SLCO3A1: variants seen among roughly 807,000 people sequenced by gnomAD.
SLCO3A1 encodes solute carrier organic anion transporter family member 3A1.
SLCO3A1 carries 27 observed loss-of-function variants against 63.1 expected under a neutral mutation model. The ratio of observed to expected loss-of-function variants is 0.43; its 90% CI spans 0.32 to 0.59. The LOEUF (loss-of-function observed/expected upper bound fraction) is 0.59, where lower values mean the gene tolerates loss of function less well. SLCO3A1 is among the 20% of genes least tolerant of loss of function. The probability of loss-of-function intolerance (pLI) is 0.09; values close to 1 mark genes in which losing one functional copy is unlikely to be tolerated. For synonymous variants in SLCO3A1, 473 were observed against 409.9 expected (o/e 1.15, Z -1.86); for missense variants, 773 against 945.8 (o/e 0.82, Z 2.40).
At chr15:91,999,722 T>C (rs2046231125) in intron 2 of SLCO3A1, among the ~76,000 whole-genome samples, 1 of 152,132 alleles carries the variant, frequency 6.6e-6, no homozygotes, top group Non-Finnish European at 1.5e-5. Context: ...AGCCCAGAGT[T>C]GAAGGCTGCA....
At chr15:91,987,983 G>C (rs1000136144) in intron 2 of SLCO3A1, among the ~76,000 whole-genome samples, 3 of 152,126 alleles carry the variant, frequency 2.0e-5, no homozygotes, top group Non-Finnish European at 2.9e-5. Context: ...GAACACTTGT[G>C]TCAAATTTAT....
At chr15:92,158,247 A>ACCAGGCTT (rs1006741542) in intron 9 of SLCO3A1, among the ~76,000 whole-genome samples, 4 of 152,128 alleles carry the variant, frequency 2.6e-5, no homozygotes, top group Non-Finnish European at 5.9e-5. Context: ...ACACTTCAAA[A>ACCAGGCTT]CCAGGCTTCT....
chr15:91,861,562 A>C (rs987679228), intron 1 of SLCO3A1, among the ~76,000 whole-genome samples: 1 of 152,204 alleles, frequency 6.6e-6, no homozygotes, highest in Admixed American at 6.5e-5. Context: ...AGTTGCACTT[A>C]TTCCTCCTAA....
intron 2 of SLCO3A1, among the ~76,000 whole-genome samples, chr15:92,023,120 C>T (rs1182742850): frequency 6.6e-6 from 1 of 152,190 alleles, no homozygotes; most frequent in East Asian, 1.9e-4. Context: ...GAACTTGGGT[C>T]TTAGCTTCTT....
chr15:92,070,358 G>T (rs917036477), intron 2 of SLCO3A1, among the ~76,000 whole-genome samples: 4 of 152,234 alleles, frequency 2.6e-5, no homozygotes, highest in African/African-American at 9.6e-5. Context: ...AATAATTACG[G>T]AGGGTCGGGT....
At chr15:92,017,858 G>T (rs2046456944) in intron 2 of SLCO3A1, among the ~76,000 whole-genome samples, 1 of 152,126 alleles carries the variant, frequency 6.6e-6, no homozygotes, top group Non-Finnish European at 1.5e-5. Context: ...GGAGACATAG[G>T]CAGAGGTGAG....
intron 5 of SLCO3A1, among the ~76,000 whole-genome samples, chr15:92,125,093 A>G (rs2047905404): frequency 6.6e-6 from 1 of 152,180 alleles, no homozygotes; most frequent in Admixed American, 6.5e-5. Context: ...TTGCAGAGCT[A>G]TACCCCCTTA....
At chr15:92,021,214 G>C (rs528222687) in intron 2 of SLCO3A1, among the ~76,000 whole-genome samples, 1 of 152,212 alleles carries the variant, frequency 6.6e-6, no homozygotes, top group South Asian at 2.1e-4. Flanking sequence ...GCAGCAGAAG[G>C]CCTGCTGAAT....
At chr15:92,035,901 G>T (rs958062396) in intron 2 of SLCO3A1, among the ~76,000 whole-genome samples, 2 of 151,816 alleles carry the variant, frequency 1.3e-5, no homozygotes, top group Non-Finnish European at 2.9e-5. Context: ...GTCCCTGGAG[G>T]CTGGTCCCAT....
chr15:92,137,031 G>C (rs2048067409), intron 7 of SLCO3A1, among the ~76,000 whole-genome samples: 2 of 143,862 alleles, frequency 1.4e-5, no homozygotes, highest in South Asian at 2.2e-4. Context: ...ATGCAGGTTA[G>C]TTACATATGT....
At position 91,885,217 on chromosome 15, in the gene SLCO3A1, G is replaced by A. The variant is rs530134277; in HGVS notation, c.181-30776G>A. 2.6e-5 allele frequency among the ~76,000 whole-genome samples: 4 copies of A among 152,248 alleles called. No homozygotes were observed. The highest frequency in any genetic ancestry group is 4.1e-4 in the South Asian group (2 of 4,826). On this transcript the variant is annotated intron_variant, in intron 1 of 9. Transcript: ENST00000318445. The surrounding 1 kb of genome is among the most constrained non-coding windows in gnomAD (Gnocchi z 4.7). ...TGCTCCCTTTGGCGTCACTCTCCAC[G>A]CCCAGTAACGAAGCCCCACCCCTGG...
intron 2 of SLCO3A1, among the ~76,000 whole-genome samples, chr15:91,938,733 G>A (rs185842328): frequency 4.5e-4 from 68 of 152,270 alleles, no homozygotes; most frequent in Non-Finnish European, 9.3e-4. Flanking sequence ...TTTGAACCCA[G>A]GCTTCAGAAT....
rs1597113405 is a variant in SLCO3A1, at chr15:91,912,113, C to A, written c.181-3880C>A. Among the ~76,000 whole-genome samples the A allele has an allele frequency of 6.6e-6, 1 of 152,058 alleles. No homozygotes were observed. The highest frequency in any genetic ancestry group is 1.5e-5 in the Non-Finnish European group (1 of 68,032). On this transcript the variant is annotated intron_variant, in intron 1 of 9. Coordinates refer to ENST00000318445, the MANE Select transcript of SLCO3A1 (RefSeq NM_013272.4). The surrounding 1 kb of genome is among the most constrained non-coding windows in gnomAD (Gnocchi z 5.0). Reference sequence around the variant, plus strand: ...TCTTGCAGTTATGGCTCCTTCTTCTCTAATTATCAAGACCTTCTCCATTAG... The same window carrying A: ...TCTTGCAGTTATGGCTCCTTCTTCTATAATTATCAAGACCTTCTCCATTAG...
intron 1 of SLCO3A1, among the ~76,000 whole-genome samples, chr15:91,857,251 C>T (rs1165604979): frequency 6.6e-6 from 1 of 152,088 alleles, no homozygotes; most frequent in Middle Eastern, 3.2e-3. Context: ...TCAGGCAGTA[C>T]AGAAAGACAC....
At chr15:91,937,718 C>CAAA (rs34049553) in intron 2 of SLCO3A1, among the ~76,000 whole-genome samples, 18 of 113,026 alleles carry the variant, frequency 1.6e-4, no homozygotes, top group African/African-American at 4.7e-4. Flanking sequence ...GACTCCATCT[C>CAAA]AAAAAAAAAA....
chr15:91,945,666 C>T (rs971496430), intron 2 of SLCO3A1, among the ~76,000 whole-genome samples: 4 of 152,190 alleles, frequency 2.6e-5, no homozygotes, highest in Non-Finnish European at 4.4e-5. Context: ...CAGGGCCTGG[C>T]TGGCTGCAGG....
chr15:92,106,948 T>C (rs1263632903), intron 4 of SLCO3A1, among the ~76,000 whole-genome samples: 1 of 152,188 alleles, frequency 6.6e-6, no homozygotes, highest in Non-Finnish European at 1.5e-5. Flanking sequence ...ATTCCATTGG[T>C]AGTTACTGAG....
In SLCO3A1 at chr15:92,094,938, T is replaced by C; in HGVS notation, c.704T>C (p.Phe235Ser). 1 of 1,613,828 alleles carries C rather than the reference T, an allele frequency of 6.2e-7. No individual in the cohort carries two copies. Among genetic ancestry groups the C allele is most frequent in the Non-Finnish European group, 8.5e-7 (1 of 1,179,668 alleles). The change falls in exon 3 of 10, where the codon TTC becomes TCC. Residue 235 changes from phenylalanine (F) to serine (S), a missense_variant. Physicochemically the swap from Phe to Ser is radical, Grantham distance 155 (BLOSUM62 -2). This residue lies in a region of SLCO3A1 where 565 missense variants were observed against 749.8 expected (regional missense o/e 0.75). Coordinates refer to ENST00000318445, the MANE Select transcript of SLCO3A1 (RefSeq NM_013272.4). ...GPACGFILGSFCTKIYVDAVF... is the reference protein window; with the variant it reads ...GPACGFILGSSCTKIYVDAVF... The stretch of plus-strand genomic sequence containing the variant: ...GCCTGCGGGTTTATCCTGGGCTCTT[T>C]CTGTACCAAAATCTACGTGGATGCG...
chr15:92,104,047 A>G (rs1452507696), intron 3 of SLCO3A1, among the ~76,000 whole-genome samples: 3 of 152,232 alleles, frequency 2.0e-5, no homozygotes, highest in Non-Finnish European at 4.4e-5. Context: ...GACCGATATA[A>G]ACACAGGGTA....
Sources: allele counts gnomAD v4.1 joint callset (sites outside exome capture counted in the v4.1 genomes callset), GRCh38; gene constraint gnomAD v4.1.1; regional missense constraint gnomAD v4.1.1; non-coding constraint Gnocchi (gnomAD v3.1); transcripts MANE v1.5; gene names NCBI Gene and HGNC (gene_info 2026-07-23, HGNC 2026-07-21).